The following NELL2 variants were observed in gnomAD, a reference collection of about 807,000 sequenced individuals.
The protein encoded by NELL2 is protein kinase C-binding protein NELL2.
NELL2 carries 41 observed loss-of-function variants against 109.6 expected under a neutral mutation model. The ratio of observed to expected loss-of-function variants is 0.37; its 90% CI spans 0.29 to 0.49. The LOEUF is 0.49. NELL2 is among the 20% of genes least tolerant of loss of function. The pLI, the probability that NELL2 is intolerant of heterozygous loss-of-function variation, is 0.98. For missense variants in NELL2, 900 were observed against 1,008.3 expected (o/e 0.89, Z 1.45); for synonymous variants, 355 against 344.7 (o/e 1.03, Z -0.33).
chr12:44,873,136 T>TA (rs1356180331), intron 2 of NELL2, among the ~76,000 whole-genome samples: 1 of 152,166 alleles, frequency 6.6e-6, no homozygotes, highest in East Asian at 1.9e-4. Context: ...ATGCAGGAAA[T>TA]ACTTGCTGAT....
intron 12 of NELL2, among the ~76,000 whole-genome samples, chr12:44,674,123 C>CT (rs1259431495): frequency 2.6e-5 from 4 of 152,174 alleles, no homozygotes; most frequent in African/African-American, 7.2e-5. Flanking sequence ...GAGCAACAGA[C>CT]TTTTTTTAAA....
chr12:44,542,900 A>G (rs1262892716), intron 15 of NELL2, among the ~76,000 whole-genome samples: 1 of 152,152 alleles, frequency 6.6e-6, no homozygotes, highest in African/African-American at 2.4e-5. Context: ...TAGCCAAAGA[A>G]TGCCTGGGGC....
intron 9 of NELL2, among the ~76,000 whole-genome samples, chr12:44,719,621 A>G (rs1938664277): frequency 1.3e-5 from 2 of 152,178 alleles, no homozygotes; most frequent in South Asian, 4.1e-4. Context: ...TAAGTGAGTC[A>G]TGGGACTTAC....
chr12:44,514,981 A>T (rs182084694), intron 19 of NELL2, among the ~76,000 whole-genome samples: 1 of 151,430 alleles, frequency 6.6e-6, no homozygotes, highest in Admixed American at 6.6e-5. Context: ...CAAATACAAT[A>T]ATAATATGAA....
At chr12:44,609,421 A>AG in intron 14 of NELL2, among the ~76,000 whole-genome samples, 1 of 152,062 alleles carries the variant, frequency 6.6e-6, no homozygotes, top group Admixed American at 6.6e-5. Flanking sequence ...AGATCTCATC[A>AG]TGCTACTCAG....
intron 9 of NELL2, among the ~76,000 whole-genome samples, chr12:44,731,705 T>G (rs182793501): frequency 6.6e-6 from 1 of 152,098 alleles, no homozygotes; most frequent in African/African-American, 2.4e-5. Context: ...TGTTCACTTT[T>G]AGCACTTTTC....
intron 14 of NELL2, among the ~76,000 whole-genome samples, chr12:44,610,036 G>A (rs1052155615): frequency 6.6e-6 from 1 of 151,784 alleles, no homozygotes; most frequent in South Asian, 2.1e-4. Context: ...GAGTACAGTG[G>A]GGGAAAAGGC....
At chr12:44,745,947 C>A (rs1592449853) in intron 9 of NELL2, among the ~76,000 whole-genome samples, 1 of 152,194 alleles carries the variant, frequency 6.6e-6, no homozygotes, top group Non-Finnish European at 1.5e-5. Context: ...GAAAAAACTG[C>A]TTTAAAGTTC....
At chr12:44,557,331 T>C (rs1470356517) in intron 15 of NELL2, among the ~76,000 whole-genome samples, 2 of 152,176 alleles carry the variant, frequency 1.3e-5, no homozygotes, top group African/African-American at 4.8e-5. Flanking sequence ...ATCAAAATTC[T>C]TTTTCTGGTC....
chr12:44,864,127 G>A (rs1383340637), intron 2 of NELL2, among the ~76,000 whole-genome samples: 2 of 152,052 alleles, frequency 1.3e-5, no homozygotes, highest in Non-Finnish European at 2.9e-5. Context: ...AAGCACAAAG[G>A]AAGACAACAA....
chr12:44,847,395 C>G (rs1944402766), intron 2 of NELL2, among the ~76,000 whole-genome samples: 1 of 152,126 alleles, frequency 6.6e-6, no homozygotes, highest in Non-Finnish European at 1.5e-5. Context: ...TTGTTCAACT[C>G]TGCTGAGACT....
chr12:44,764,890 G>A (rs1426465654), intron 9 of NELL2, among the ~76,000 whole-genome samples: 4 of 151,752 alleles, frequency 2.6e-5, no homozygotes, highest in African/African-American at 9.7e-5. Flanking sequence ...CTCCTGGACA[G>A]TCAGGGATGC....
chr12:44,888,225 T>G (rs1945495930), intron 1 of NELL2, among the ~76,000 whole-genome samples: 1 of 152,044 alleles, frequency 6.6e-6, no homozygotes, highest in South Asian at 2.1e-4. Context: ...ATCATGCTGA[T>G]TTGGTTACTA....
intron 2 of NELL2, among the ~76,000 whole-genome samples, chr12:44,853,930 T>C (rs1483570547): frequency 1.3e-5 from 2 of 152,162 alleles, no homozygotes; most frequent in African/African-American, 4.8e-5. Flanking sequence ...TTGCATCTCA[T>C]TGGTAGCCTA....
At chr12:44,711,485 AG>A in intron 10 of NELL2, 91 bp from the exon 11 acceptor site, 1 of 1,120,116 alleles carries the variant, frequency 8.9e-7, no homozygotes, top group Admixed American at 2.0e-5. Flanking sequence ...GACTCTTTTA[AG>A]ATCAAGAAAT....
Position 44,515,899 on chromosome 12 carries a change from T to A in NELL2, c.2400+4106A>T, listed in dbSNP as rs114609091. Among the ~76,000 whole-genome samples, 1,139 of 152,074 alleles carry A rather than the reference T, an allele frequency of 7.5e-3. 16 individuals carry two copies. The highest frequency in any genetic ancestry group is 0.026 in the African/African-American group (1,083 of 41,568). On this transcript the variant is annotated intron_variant, in intron 19 of 19. Coordinates refer to ENST00000429094, the MANE Select transcript of NELL2 (RefSeq NM_001145108.2). ...TTATATTTTTTAATCCTATTACTATTGATATTTCAATATGTTTTAATAGAG... is the reference window on the plus strand; with the variant it reads ...TTATATTTTTTAATCCTATTACTATAGATATTTCAATATGTTTTAATAGAG...
intron 13 of NELL2, among the ~76,000 whole-genome samples, chr12:44,619,633 C>A (rs11182567): frequency 0.17 from 26,299 of 151,278 alleles, 3,559 homozygotes; most frequent in African/African-American, 0.38. Flanking sequence ...GAGAAGGCGG[C>A]GGAAGAGGAG....
intron 3 of NELL2, among the ~76,000 whole-genome samples, chr12:44,802,688 G>A (rs61930964): frequency 0.018 from 2,750 of 151,908 alleles, 57 homozygotes; most frequent in African/African-American, 0.051. Context: ...GAAATAATAC[G>A]TAAAAAAAGT....
At chr12:44,830,665 G>GA (rs1443266876) in intron 2 of NELL2, among the ~76,000 whole-genome samples, 1 of 152,054 alleles carries the variant, frequency 6.6e-6, no homozygotes, top group Non-Finnish European at 1.5e-5. Flanking sequence ...CATGATGCCA[G>GA]AAAATCACAA....
Sources: gnomAD v4.1 joint callset for allele counts (sites outside exome capture counted in the v4.1 genomes callset) on GRCh38, gnomAD v4.1.1 for gene constraint, MANE v1.5 for transcripts, NCBI Gene and HGNC (gene_info 2026-07-23, HGNC 2026-07-21) for gene names.